DNAH5: variants seen among roughly 807,000 people sequenced by gnomAD.
DNAH5 encodes axonemal beta dynein heavy chain 5.
DNAH5 carries 372 observed loss-of-function variants against 518.2 expected under a neutral mutation model. The observed-to-expected ratio is 0.72, with a 90% confidence interval of 0.66 to 0.78. The LOEUF (loss-of-function observed/expected upper bound fraction) is 0.78, where lower values mean the gene tolerates loss of function less well. Among genes scored for constraint, DNAH5 ranks in the 30% least tolerant of loss-of-function variants. DNAH5 has a pLI of 0.00. For missense variants in DNAH5, 5,523 were observed against 5,687.0 expected, an observed-to-expected ratio of 0.97 and a Z score of 0.93; for synonymous variants, 2,039 against 2,025.9, an observed-to-expected ratio of 1.01 and a Z score of -0.17.
intron 53 of DNAH5, among the ~76,000 whole-genome samples, chr5:13,778,659 T>C (rs747240903): frequency 1.3e-5 from 2 of 151,998 alleles, no homozygotes; most frequent in Admixed American, 6.5e-5. Flanking sequence ...CTTCTTGTGA[T>C]ATGGGGGAAA....
At chr5:14,006,546 T>C (rs1784735127) in intron 1 of DNAH5, among the ~76,000 whole-genome samples, 1 of 152,140 alleles carries the variant, frequency 6.6e-6, no homozygotes, top group Non-Finnish European at 1.5e-5. Context: ...AATCTCTTCT[T>C]ACAAGGACAC....
rs35337694 is a variant in DNAH5, at chr5:13,841,918, CAAAA to C, written c.5272-18_5272-15del. The C allele has an allele frequency of 5.5e-3, 3,200 of 585,846 alleles. No homozygotes were observed. Among genetic ancestry groups the C allele is most frequent in the East Asian group, 7.7e-3 (229 of 29,804 alleles). 36.3% of individuals were successfully genotyped at this position (585,846 alleles called of 1,614,324 possible). On this transcript the variant is annotated splice_polypyrimidine_tract_variant and intron_variant, in intron 32 of 78. Transcript: ENST00000265104. ...TCGATCATAGATCTATGTTAGAAAC[CAAAA>C]AAAAAAAAAAAAAAAGCTATAGTCA...
At position 13,735,189 on chromosome 5, in the gene DNAH5, T is replaced by C. The variant is rs139044537; in HGVS notation, c.11703A>G (p.Leu3901=). Residue 3901 remains leucine, a synonymous_variant, in exon 68 of 79, where the codon CTA becomes CTG. Coordinates refer to ENST00000265104, the MANE Select transcript of DNAH5 (RefSeq NM_001369.3). ...HKFLFTLLLT[L]KIDIQRNRVK... ...CTCGGTTCCTCTGGATGTCAATCTT[T>C]AGGGTAAGCAACAAGGTGAACAGGA... 3.1e-6 allele frequency: 5 copies of C among 1,614,024 alleles called. No individual in the cohort carries two copies. In the African/African-American group the frequency reaches 4.0e-5, roughly 13 times the overall value.
chr5:13,813,268 A>G (rs1760954526), intron 43 of DNAH5, among the ~76,000 whole-genome samples: 1 of 152,212 alleles, frequency 6.6e-6, no homozygotes. Flanking sequence ...GCAAAAGCTT[A>G]TTTTATAAAT....
intron 63 of DNAH5, 106 bp from the exon 64 acceptor site, chr5:13,752,395 A>C: frequency 7.5e-7 from 1 of 1,327,350 alleles, no homozygotes; most frequent in Non-Finnish European, 1.1e-6. Context: ...GCAAGAGACA[A>C]ATACAAATTG....
Position 13,895,881 on chromosome 5 carries a change from C to A in DNAH5, c.2260-1060G>T, listed in dbSNP as rs1454184062. ...CCAACTCAGCTGATAGTGACTTTAT[C>A]CTTCCAGTCCACAGGTCAAAACCCA... On this transcript the variant is annotated intron_variant, in intron 15 of 78. Transcript: ENST00000265104. Among the ~76,000 whole-genome samples the A allele has an allele frequency of 2.6e-5, 4 of 152,076 alleles. No individual in the cohort carries two copies. The South Asian group carries it at 6.2e-4, about 24-fold the overall frequency.
At chr5:13,706,212 T>C (rs1742769144) in intron 76 of DNAH5, among the ~76,000 whole-genome samples, 1 of 152,202 alleles carries the variant, frequency 6.6e-6, no homozygotes, top group South Asian at 2.1e-4. Flanking sequence ...CATGCATAAC[T>C]TGAGATCTCA....
At chr5:13,753,122 G>T (rs1234902629) in intron 63 of DNAH5, 111 bp downstream of exon 63, 2 of 786,214 alleles carry the variant, frequency 2.5e-6, no homozygotes, top group Non-Finnish European at 4.3e-6. Context: ...CTCTACCTAG[G>T]ATTACAAAAA....
chr5:13,870,438 A>C (rs754143901), intron 24 of DNAH5, among the ~76,000 whole-genome samples: 1 of 152,178 alleles, frequency 6.6e-6, no homozygotes, highest in Non-Finnish European at 1.5e-5. Context: ...TAGAGTGCCC[A>C]TGGGATCAGG....
chr5:13,973,380 T>A (rs1167340076), intron 1 of DNAH5, among the ~76,000 whole-genome samples: 1 of 152,238 alleles, frequency 6.6e-6, no homozygotes, highest in African/African-American at 2.4e-5. Flanking sequence ...TCACCAAGTT[T>A]CTTACAGTAA....
chr5:13,715,823 T>C (rs987699842), intron 74 of DNAH5, among the ~76,000 whole-genome samples: 13 of 152,332 alleles, frequency 8.5e-5, no homozygotes, highest in Admixed American at 6.5e-4. Context: ...CAGAGGACAT[T>C]TGGCAATTTC....
chr5:13,772,518 C>A (rs1418164069), intron 55 of DNAH5, among the ~76,000 whole-genome samples: 1 of 152,220 alleles, frequency 6.6e-6, no homozygotes, highest in African/African-American at 2.4e-5. Flanking sequence ...AGTCAAGAGG[C>A]CAGAAAACCC....
intron 9 of DNAH5, among the ~76,000 whole-genome samples, chr5:13,915,454 T>C (rs1479873257): frequency 1.3e-5 from 2 of 152,168 alleles, no homozygotes; most frequent in East Asian, 3.8e-4. Flanking sequence ...AAAATCTTAA[T>C]TAATAACACA....
rs757776893 is a variant in DNAH5 at position 13,913,761 on chromosome 5, G to T, written c.1518C>A (p.Asp506Glu). The T allele has an allele frequency of 6.2e-6, 10 of 1,613,352 alleles. No individual in the cohort carries two copies. The African/African-American group carries it at 1.2e-4, about 19-fold the overall frequency. ...LQDSTIEGLEDMATKYQGIVA... is the reference protein window; with the variant it reads ...LQDSTIEGLEEMATKYQGIVA... ...ACAATACCTGGTATTTAGTGGCCAT[G>T]TCTTCCAGCCCTTCAATTGTGGAAT... Residue 506 changes from aspartate (D) to glutamate (E), a missense_variant, in exon 11 of 79, where the codon GAC becomes GAA. Coordinates refer to ENST00000265104, the MANE Select transcript of DNAH5 (RefSeq NM_001369.3).
At chr5:13,896,479 C>A (rs1165477921) in intron 15 of DNAH5, 1 of 152,168 alleles carries the variant, frequency 6.6e-6, no homozygotes, top group Non-Finnish European at 1.5e-5. Context: ...CCACCAAAAC[C>A]ACTCACACAT....
intron 1 of DNAH5, among the ~76,000 whole-genome samples, chr5:13,954,229 T>C (rs1302320646): frequency 1.3e-5 from 2 of 152,198 alleles, no homozygotes; most frequent in Non-Finnish European, 2.9e-5. Flanking sequence ...CTGCACGATG[T>C]TATTCAACTA....
intron 19 of DNAH5, 55 bp from the exon 20 acceptor site, chr5:13,883,149 G>A (rs887721463): frequency 1.9e-6 from 3 of 1,577,832 alleles, no homozygotes; most frequent in Non-Finnish European, 2.6e-6. Context: ...AATAAGATTT[G>A]CTTCCTTTGT....
chr5:13,793,960 T>C lies in DNAH5; in HGVS notation c.7986A>G (p.Pro2662=). ...MTVFIDDVNM[P]IINEWGDQVT... is the part of the protein sequence containing the mutation. The stretch of plus-strand genomic sequence containing the variant: ...CCTGATCTCCCCACTCATTGATTAT[T>C]GGCATATTCACATCATCAATAAAAA... The change falls in exon 48 of 79, where the codon CCA becomes CCG. Residue 2662 remains proline, a synonymous_variant. Coordinates refer to ENST00000265104, the MANE Select transcript of DNAH5 (RefSeq NM_001369.3). The C allele has an allele frequency of 1.2e-6, 2 of 1,614,016 alleles. No individual in the cohort carries two copies. The highest frequency in any genetic ancestry group is 1.7e-6 in the Non-Finnish European group (2 of 1,179,914).
At chr5:13,789,575 T>A (rs1481473943) in intron 50 of DNAH5, among the ~76,000 whole-genome samples, 1 of 152,232 alleles carries the variant, frequency 6.6e-6, no homozygotes, top group Non-Finnish European at 1.5e-5. Context: ...TTTTTCAGGT[T>A]ACAGATTTTT....
Sources: allele counts gnomAD v4.1 joint callset (sites outside exome capture counted in the v4.1 genomes callset), GRCh38; gene constraint gnomAD v4.1.1; transcripts MANE v1.5; gene names NCBI Gene and HGNC (gene_info 2026-07-23, HGNC 2026-07-21).